THAP4: variants seen among roughly 807,000 people sequenced by gnomAD.
The protein encoded by THAP4 is THAP domain containing 4.
Under a neutral mutation model 48.1 loss-of-function variants are expected in THAP4, and 18 were observed. The observed-to-expected ratio is 0.37, with a 90% confidence interval of 0.26 to 0.56. THAP4 has a LOEUF of 0.56. THAP4 is among the 20% of genes least tolerant of loss of function. The probability of loss-of-function intolerance (pLI) is 0.78; values close to 1 mark genes in which losing one functional copy is unlikely to be tolerated. For missense variants in THAP4, 656 were observed against 774.9 expected (o/e 0.85, Z 1.82); for synonymous variants, 345 against 324.9 (o/e 1.06, Z -0.66).
At chr2:241,630,596 T>C (rs2067544544) in intron 2 of THAP4, among the ~76,000 whole-genome samples, 2 of 152,054 alleles carry the variant, frequency 1.3e-5, no homozygotes, top group Admixed American at 6.6e-5. Flanking sequence ...CTGACCAACA[T>C]GGAGAAACCA....
intron 2 of THAP4, among the ~76,000 whole-genome samples, chr2:241,607,674 G>A (rs1451615530): frequency 2.0e-5 from 3 of 149,698 alleles, no homozygotes; most frequent in Middle Eastern, 3.2e-3. Context: ...GACCCCCGGC[G>A]TCTCCTCCAG....
chr2:241,584,835 A>C (rs1575012946), intron 5 of THAP4, 110 bp from the exon 6 acceptor site: 2 of 1,413,434 alleles, frequency 1.4e-6, no homozygotes, highest in African/African-American at 1.4e-5. Context: ...TGAGCCAGGC[A>C]GTGGCCCTGC....
chr2:241,621,331 G>T (rs2067427022), intron 2 of THAP4, among the ~76,000 whole-genome samples: 1 of 152,130 alleles, frequency 6.6e-6, no homozygotes, highest in South Asian at 2.1e-4. Flanking sequence ...CTGGGCAACA[G>T]AGCAAGACTC....
intron 2 of THAP4, among the ~76,000 whole-genome samples, chr2:241,619,757 GGTGA>G (rs564953602): frequency 4.5e-4 from 63 of 140,148 alleles, no homozygotes; most frequent in African/African-American, 1.5e-3. Flanking sequence ...TGAGTGAGTT[GGTGA>G]GTGAGGGGTG....
At chr2:241,631,305 G>T (rs981155988) in intron 2 of THAP4, among the ~76,000 whole-genome samples, 7 of 152,272 alleles carry the variant, frequency 4.6e-5, no homozygotes, top group African/African-American at 1.7e-4. Context: ...CATTGATCCA[G>T]ATGAAATCAA....
At chr2:241,634,713 T>C (rs919759448) in intron 1 of THAP4, among the ~76,000 whole-genome samples, 3 of 152,214 alleles carry the variant, frequency 2.0e-5, no homozygotes, top group African/African-American at 7.2e-5. Context: ...TTCCAGTTAC[T>C]TGGGAGCCTG....
chr2:241,591,456 A>G (rs2066978049), intron 5 of THAP4, among the ~76,000 whole-genome samples: 2 of 152,264 alleles, frequency 1.3e-5, no homozygotes, highest in African/African-American at 4.8e-5. Context: ...CATATAAAGT[A>G]TACCTCAATA....
intron 5 of THAP4, among the ~76,000 whole-genome samples, chr2:241,589,341 A>G (rs1420875228): frequency 1.3e-5 from 2 of 151,986 alleles, no homozygotes; most frequent in East Asian, 3.8e-4. Context: ...GTTGGCAAGT[A>G]CACCTGATAA....
At position 241,610,187 on chromosome 2, in the gene THAP4, C is replaced by A. The variant is rs900746503; in HGVS notation, c.1241-3714G>T. Among the ~76,000 whole-genome samples the A allele has an allele frequency of 6.6e-6, 1 of 152,210 alleles. No individual in the cohort carries two copies. Among genetic ancestry groups the A allele is most frequent in the Admixed American group, 6.5e-5 (1 of 15,288 alleles). On this transcript the variant is annotated intron_variant, in intron 2 of 5. Transcript: ENST00000407315. This position sits in a 1 kb window ranked among gnomAD's most constrained non-coding sequence, Gnocchi z 4.2. ...CCGGGCATGGCCTTCACACTCCCCA[C>A]GAGGCAGGACAGCCCCGGGCTAGGG... is the stretch of plus-strand genomic sequence containing the variant.
At chr2:241,618,031 C>A (rs531419963) in intron 2 of THAP4, among the ~76,000 whole-genome samples, 1 of 152,348 alleles carries the variant, frequency 6.6e-6, no homozygotes, top group South Asian at 2.1e-4. Flanking sequence ...CCTGCCAAGG[C>A]ACACACAGAA....
chr2:241,613,610 C>G (rs2067304441), intron 2 of THAP4, among the ~76,000 whole-genome samples: 1 of 151,846 alleles, frequency 6.6e-6, no homozygotes, highest in Non-Finnish European at 1.5e-5. Flanking sequence ...AAAAAATTGG[C>G]TGGGCGTGGT....
At chr2:241,632,855 C>T in intron 2 of THAP4, 62 bp downstream of exon 2, 1 of 1,360,762 alleles carries the variant, frequency 7.3e-7, no homozygotes, top group South Asian at 1.4e-5. Flanking sequence ...ACGCTGGCCA[C>T]CTTGCAGAGA....
chr2:241,623,964 T>C (rs1443368431), intron 2 of THAP4, among the ~76,000 whole-genome samples: 1 of 152,172 alleles, frequency 6.6e-6, no homozygotes, highest in Admixed American at 6.6e-5. Flanking sequence ...TGACACGAAC[T>C]GGAGTTCGTG....
intron 5 of THAP4, among the ~76,000 whole-genome samples, chr2:241,585,912 CAAAAAAAAA>C (rs1175852721): frequency 7.1e-5 from 2 of 28,292 alleles, no homozygotes; most frequent in African/African-American, 2.5e-4. Context: ...GACTCCTTCT[CAAAAAAAAA>C]AAAAAAAAGA....
chr2:241,593,739 T>C (rs946270129), intron 5 of THAP4, among the ~76,000 whole-genome samples: 19 of 152,160 alleles, frequency 1.2e-4, no homozygotes, highest in South Asian at 2.1e-4. Flanking sequence ...CAGGCTGGAG[T>C]GCAGTGGCAC....
rs2067185595 is a variant in THAP4 at position 241,606,449 on chromosome 2, A to C, written c.1265T>G (p.Val422Gly). 6.2e-7 allele frequency: 1 copy of C among 1,607,256 alleles called. No homozygotes were observed. Among genetic ancestry groups the C allele is most frequent in the Non-Finnish European group, 8.5e-7 (1 of 1,176,956 alleles). Residue 422 changes from valine to glycine, a missense_variant, in exon 3 of 6, where the codon GTG becomes GGG. Physicochemically the swap from Val to Gly is moderately radical, Grantham distance 109 (BLOSUM62 -3). This residue lies in a region of THAP4 where 176 missense variants were observed against 256.7 expected (regional missense o/e 0.69). Coordinates refer to ENST00000407315, the MANE Select transcript of THAP4 (RefSeq NM_015963.6). ...SREPPKMNPV[V>G]EPLSWMLGTW... ...GCCCAGCATCCAGGACAGTGGCTCC[A>C]CCACTGGGTTCATCTTGGGGGGCTC...
At chr2:241,617,322 C>A in intron 2 of THAP4, 1 of 947,672 alleles carries the variant, frequency 1.1e-6, no homozygotes, top group South Asian at 1.5e-5. Flanking sequence ...TTATTGAAAT[C>A]TCAACCAAAA....
rs931775353 is a variant in THAP4, at chr2:241,601,583, C to A, written c.1614+313G>T. ...AAAATGTACCTGTCCTTTGATCCAG[C>A]AATTTAACTGGGAAAAATTTATCAA... On this transcript the variant is annotated intron_variant, in intron 5 of 5. Transcript: ENST00000407315. This position sits in a 1 kb window ranked among gnomAD's most constrained non-coding sequence, Gnocchi z 4.0. Among the ~76,000 whole-genome samples the A allele has an allele frequency of 1.3e-5, 2 of 152,028 alleles. No individual in the cohort carries two copies. Among genetic ancestry groups the A allele is most frequent in the African/African-American group, 4.8e-5 (2 of 41,372 alleles).
intron 2 of THAP4, 34 bp downstream of exon 2, chr2:241,632,883 A>G (rs778792918): frequency 1.0e-5 from 15 of 1,498,182 alleles, no homozygotes; most frequent in Admixed American, 8.9e-5. Flanking sequence ...CCTAACGGGA[A>G]GGGAACATGG....
Sources: allele counts gnomAD v4.1 joint callset (sites outside exome capture counted in the v4.1 genomes callset), GRCh38; gene constraint gnomAD v4.1.1; regional missense constraint gnomAD v4.1.1; non-coding constraint Gnocchi (gnomAD v3.1); transcripts MANE v1.5; gene names NCBI Gene and HGNC (gene_info 2026-07-23, HGNC 2026-07-21).